The following KDM2A variants were observed in gnomAD, a reference collection of about 807,000 sequenced individuals.
KDM2A encodes the protein lysine-specific demethylase 2A.
KDM2A carries 3 observed loss-of-function variants against 137.3 expected under a neutral mutation model. That is an observed-to-expected ratio of 0.02 (90% CI 0.01 to 0.06). The LOEUF (loss-of-function observed/expected upper bound fraction) is 0.06, where lower values mean the gene tolerates loss of function less well. Among genes scored for constraint, KDM2A ranks in the 10% least tolerant of loss-of-function variants. KDM2A has a pLI of 1.00. For synonymous variants in KDM2A, 512 were observed against 541.5 expected (o/e 0.95, Z 0.76); for missense variants, 738 against 1,510.6 (o/e 0.49, Z 8.48).
intron 2 of KDM2A, among the ~76,000 whole-genome samples, chr11:67,173,208 T>A (rs1339684406): frequency 2.0e-5 from 3 of 152,124 alleles, no homozygotes; most frequent in Admixed American, 1.3e-4. Flanking sequence ...CTGCAACCTC[T>A]GCCTCGCGGG....
intron 10 of KDM2A, among the ~76,000 whole-genome samples, chr11:67,222,606 G>C (rs1858395721): frequency 0.12 from 1 of 8 alleles, no homozygotes; most frequent in Non-Finnish European, 0.5. Flanking sequence ...CCCAGACGGG[G>C]TGGTGGCCGG....
At chr11:67,120,699 G>T (rs1209553842) in intron 1 of KDM2A, among the ~76,000 whole-genome samples, 1 of 152,172 alleles carries the variant, frequency 6.6e-6, no homozygotes, top group African/African-American at 2.4e-5. Flanking sequence ...GTCTAGAAAG[G>T]AAGGCGACGA....
intron 5 of KDM2A, among the ~76,000 whole-genome samples, chr11:67,192,903 A>G (rs1283812830): frequency 6.6e-6 from 1 of 152,130 alleles, no homozygotes; most frequent in East Asian, 1.9e-4. Flanking sequence ...ACCAGTTTAC[A>G]CTTTGTTGAG....
intron 2 of KDM2A, among the ~76,000 whole-genome samples, chr11:67,177,312 A>T (rs1856991818): frequency 6.6e-6 from 1 of 152,168 alleles, no homozygotes. Flanking sequence ...TTAGTCTGTA[A>T]CTTTTTAACT....
chr11:67,131,744 C>G (rs551220963), intron 2 of KDM2A, among the ~76,000 whole-genome samples: 3 of 152,120 alleles, frequency 2.0e-5, no homozygotes, highest in African/African-American at 7.2e-5. Flanking sequence ...CGTCTGTCTG[C>G]TTAACATCCT....
intron 2 of KDM2A, among the ~76,000 whole-genome samples, chr11:67,168,174 G>A (rs76008703): frequency 0.026 from 3,970 of 152,146 alleles, 178 homozygotes; most frequent in African/African-American, 0.09. Flanking sequence ...TAAGTGAAGA[G>A]AAACCCCCTA....
At position 67,245,938 on chromosome 11, in the gene KDM2A, A is replaced by G. The variant is rs1859191137; in HGVS notation, c.1834-47A>G. 7 of 1,604,766 alleles carry G rather than the reference A, an allele frequency of 4.4e-6. No individual in the cohort carries two copies. Among genetic ancestry groups the G allele is most frequent in the Non-Finnish European group, 6.0e-6 (7 of 1,173,490 alleles). ...TCAGTTTAAGGGAAACTGAAATGAT[A>G]AAGATCTGAGTCAGTTCTCTTGGAT... is the stretch of plus-strand genomic sequence containing the variant. On this transcript the variant is annotated intron_variant, in intron 14 of 20. Coordinates refer to ENST00000529006, the MANE Select transcript of KDM2A (RefSeq NM_012308.3). This position sits in a 1 kb window ranked among gnomAD's most constrained non-coding sequence, Gnocchi z 4.1.
At chr11:67,236,967 G>A (rs1858889364) in intron 12 of KDM2A, among the ~76,000 whole-genome samples, 1 of 152,170 alleles carries the variant, frequency 6.6e-6, no homozygotes, top group Admixed American at 6.6e-5. Flanking sequence ...AATAAGTGCA[G>A]TCCAGGTTTG....
chr11:67,166,844 A>G (rs905624480), intron 2 of KDM2A, among the ~76,000 whole-genome samples: 3 of 152,262 alleles, frequency 2.0e-5, no homozygotes, highest in African/African-American at 7.2e-5. Flanking sequence ...TGGAAGGCCA[A>G]GGCGGGCGGA....
intron 10 of KDM2A, among the ~76,000 whole-genome samples, chr11:67,224,056 A>G (rs1858452954): frequency 6.6e-6 from 1 of 152,236 alleles, no homozygotes; most frequent in Non-Finnish European, 1.5e-5. Flanking sequence ...TATGAAAAGT[A>G]CATCTCCTCT....
At chr11:67,137,958 C>T (rs892872024) in intron 2 of KDM2A, among the ~76,000 whole-genome samples, 26 of 152,002 alleles carry the variant, frequency 1.7e-4, no homozygotes, top group South Asian at 8.3e-4. Context: ...CCACCATGCC[C>T]GGCTAATTTT....
At chr11:67,129,985 A>G (rs1360212917) in intron 2 of KDM2A, among the ~76,000 whole-genome samples, 1 of 148,128 alleles carries the variant, frequency 6.8e-6, no homozygotes, top group Non-Finnish European at 1.5e-5. Flanking sequence ...CTTTTGTGAG[A>G]CAGTTTCACT....
At chr11:67,130,074 A>G (rs1301324914) in intron 2 of KDM2A, among the ~76,000 whole-genome samples, 2 of 149,322 alleles carry the variant, frequency 1.3e-5, no homozygotes, top group East Asian at 4.1e-4. Flanking sequence ...GTGATTCTTC[A>G]GCCTCAGCCT....
chr11:67,144,548 G>A (rs1856199149), intron 2 of KDM2A, among the ~76,000 whole-genome samples: 1 of 151,222 alleles, frequency 6.6e-6, no homozygotes, highest in Non-Finnish European at 1.5e-5. Context: ...CACCGTGCCC[G>A]GCCCCAACAT....
In KDM2A at chr11:67,214,207, A is replaced by ATT. The variant is rs58629654; in HGVS notation, c.487-1119_487-1118dup. ...AGGCATGCGCCACCATGCGCAGCTA[A>ATT]TTTTTTTTTTTTTTTGAGACGGAGT... On this transcript the variant is annotated intron_variant, in intron 6 of 20. Coordinates refer to ENST00000529006, the MANE Select transcript of KDM2A (RefSeq NM_012308.3). Among the ~76,000 whole-genome samples the ATT allele has an allele frequency of 1.9e-5, 2 of 103,300 alleles. 1 individual carries two copies. The allele number at this position is 103,300 out of a possible 152,430, so 67.8% of individuals were successfully genotyped here.
At chr11:67,241,107 GT>G (rs1859027385) in intron 12 of KDM2A, among the ~76,000 whole-genome samples, 1 of 152,160 alleles carries the variant, frequency 6.6e-6, no homozygotes, top group Non-Finnish European at 1.5e-5. Context: ...GGACAGCTCA[GT>G]TCACTTCAGC....
rs1859522854 is a variant in KDM2A, at chr11:67,254,038, T to G, written c.3092-165T>G. ...AAAACTTGTCTGGTTTCCTAGAAAC[T>G]GCCTACACCCAGTGCTCACACCCTG... On this transcript the variant is annotated intron_variant, in intron 19 of 20. Coordinates refer to ENST00000529006, the MANE Select transcript of KDM2A (RefSeq NM_012308.3). This position sits in a 1 kb window ranked among gnomAD's most constrained non-coding sequence, Gnocchi z 4.7. 6.6e-6 allele frequency among the ~76,000 whole-genome samples: 1 copy of G among 152,234 alleles called. No homozygotes were observed. The highest frequency in any genetic ancestry group is 1.5e-5 in the Non-Finnish European group (1 of 68,038).
intron 6 of KDM2A, among the ~76,000 whole-genome samples, chr11:67,209,030 G>A (rs756208040): frequency 9.9e-5 from 15 of 151,762 alleles, no homozygotes; most frequent in South Asian, 2.1e-4. Context: ...CTGCCTCCCC[G>A]GTTCAAGCAA....
intron 5 of KDM2A, among the ~76,000 whole-genome samples, chr11:67,204,099 C>T (rs1857731910): frequency 1.3e-5 from 2 of 152,122 alleles, no homozygotes; most frequent in South Asian, 4.1e-4. Context: ...CCACACCTGG[C>T]CTCCCCTACA....
Sources: gnomAD v4.1 joint callset for allele counts (sites outside exome capture counted in the v4.1 genomes callset) on GRCh38, gnomAD v4.1.1 for gene constraint, Gnocchi (gnomAD v3.1) non-coding constraint, MANE v1.5 for transcripts, NCBI Gene and HGNC (gene_info 2026-07-23, HGNC 2026-07-21) for gene names.